Variants in RCSD1 observed in about 807,000 individuals in gnomAD.
RCSD1 encodes the protein capZ-interacting protein.
Under a neutral mutation model 42.5 loss-of-function variants are expected in RCSD1, and 26 were observed. That is an observed-to-expected ratio of 0.61 (90% CI 0.45 to 0.85). The LOEUF (loss-of-function observed/expected upper bound fraction) is 0.85. RCSD1 is among the 40% of genes least tolerant of loss of function. RCSD1 has a pLI of 0.00. For synonymous variants in RCSD1, 220 were observed against 212.2 expected, an observed-to-expected ratio of 1.04 and a Z score of -0.32; for missense variants, 571 against 528.3, an observed-to-expected ratio of 1.08 and a Z score of -0.79.
chr1:167,639,711 C>T (rs1211225168), intron 1 of RCSD1, among the ~76,000 whole-genome samples: 2 of 152,192 alleles, frequency 1.3e-5, no homozygotes, highest in Non-Finnish European at 2.9e-5. Context: ...CCAGGCTGGT[C>T]TTGAACTCCT....
chr1:167,655,541 A>G (rs1484810150), intron 1 of RCSD1, among the ~76,000 whole-genome samples: 1 of 152,052 alleles, frequency 6.6e-6, no homozygotes, highest in African/African-American at 2.4e-5. Context: ...TGCGTGTGCC[A>G]TCCCAAACCC....
intron 1 of RCSD1, among the ~76,000 whole-genome samples, chr1:167,673,912 C>T (rs1044505457): frequency 3.3e-5 from 5 of 152,204 alleles, no homozygotes; most frequent in African/African-American, 9.7e-5. Context: ...CTCTGTGAAG[C>T]GTTCCCTGAT....
At position 167,689,494 on chromosome 1, in the gene RCSD1, A is replaced by G. The variant is rs868430290; in HGVS notation, c.199-555A>G. 4.9e-3 allele frequency among the ~76,000 whole-genome samples: 731 copies of G among 149,188 alleles called. 7 individuals are homozygous for G. Among genetic ancestry groups the G allele is most frequent in the African/African-American group, 0.017 (706 of 40,446 alleles). On this transcript the variant is annotated intron_variant, in intron 3 of 6. Coordinates refer to ENST00000367854, the MANE Select transcript of RCSD1 (RefSeq NM_052862.4). ...GGACTCTGTCTCAAAAAAAAAAAAAAAAAGAAAAGAAAAGAAAAAGAATAT... is the reference window on the plus strand; with the variant it reads ...GGACTCTGTCTCAAAAAAAAAAAAAGAAAGAAAAGAAAAGAAAAAGAATAT...
At chr1:167,631,024 A>G (rs187000733) in intron 1 of RCSD1, among the ~76,000 whole-genome samples, 2 of 152,224 alleles carry the variant, frequency 1.3e-5, no homozygotes, top group Admixed American at 1.3e-4. Flanking sequence ...TGGTCAGTCG[A>G]ATGACATTAT....
chr1:167,697,298 G>T lies in RCSD1; in HGVS notation c.674G>T (p.Gly225Val). The change falls in exon 6 of 7, where the codon GGA becomes GTA. Residue 225 changes from glycine (G) to valine (V), a missense_variant. Physicochemically the swap from Gly to Val is moderately radical, Grantham distance 109. Coordinates refer to ENST00000367854, the MANE Select transcript of RCSD1 (RefSeq NM_052862.4). ...CCTTTGTCCAGTGAGGGAGCAGCGG[G>T]AGAGGGAGTGAGAACCCTGGGACCT... is the stretch of plus-strand genomic sequence containing the variant. ...GSPLSSEGAA[G>V]EGVRTLGPAE... The T allele has an allele frequency of 1.2e-6, 2 of 1,614,152 alleles. No individual in the cohort carries two copies. The highest frequency in any genetic ancestry group is 1.1e-5 in the South Asian group (1 of 91,080).
chr1:167,665,486 G>C (rs1268452229), intron 1 of RCSD1, among the ~76,000 whole-genome samples: 1 of 152,220 alleles, frequency 6.6e-6, no homozygotes, highest in East Asian at 1.9e-4. Context: ...ATACAAGTAA[G>C]ATTGTTGGTA....
chr1:167,673,663 C>G (rs1203006587), intron 1 of RCSD1, among the ~76,000 whole-genome samples: 1 of 152,256 alleles, frequency 6.6e-6, no homozygotes, highest in Non-Finnish European at 1.5e-5. Flanking sequence ...TGAATTATAA[C>G]TTGCATATGC....
At chr1:167,632,375 C>A (rs1393106936) in intron 1 of RCSD1, among the ~76,000 whole-genome samples, 1 of 152,144 alleles carries the variant, frequency 6.6e-6, no homozygotes, top group African/African-American at 2.4e-5. Context: ...GCTGGAGGGC[C>A]AAATGCAAGT....
At chr1:167,662,977 G>A (rs568654721) in intron 1 of RCSD1, among the ~76,000 whole-genome samples, 1 of 152,290 alleles carries the variant, frequency 6.6e-6, no homozygotes, top group Admixed American at 6.5e-5. Context: ...AGCAGCGTGG[G>A]TCTTAGGAAG....
In RCSD1 at chr1:167,635,416, G is replaced by A. The variant is rs141509923; in HGVS notation, c.6+4987G>A. ...GACTGCGACGACAGGGGGAATTTGG[G>A]GAGTGAGACTCTAAGGGCCCAGCCC... On this transcript the variant is annotated intron_variant, in intron 1 of 6. Transcript: ENST00000367854. Among the ~76,000 whole-genome samples the A allele has an allele frequency of 9.5e-4, 144 of 152,306 alleles. 2 individuals are homozygous for A. Among genetic ancestry groups the A allele is most frequent in the African/African-American group, 3.3e-3 (139 of 41,556 alleles).
intron 6 of RCSD1, among the ~76,000 whole-genome samples, chr1:167,702,433 G>A (rs973483029): frequency 3.9e-5 from 6 of 152,146 alleles, no homozygotes; most frequent in Non-Finnish European, 7.4e-5. Flanking sequence ...AGGAAAAGTC[G>A]CCCTGAAAAG....
intron 1 of RCSD1, among the ~76,000 whole-genome samples, chr1:167,671,674 C>G (rs1027457436): frequency 6.6e-6 from 1 of 152,192 alleles, no homozygotes; most frequent in Non-Finnish European, 1.5e-5. Flanking sequence ...CTCCTGAAGA[C>G]CACTCCTGAA....
In RCSD1 at chr1:167,667,572, A is replaced by G. The variant is rs183984304; in HGVS notation, c.7-16328A>G. Among the ~76,000 whole-genome samples the G allele has an allele frequency of 3.9e-5, 6 of 152,330 alleles. No homozygotes were observed. The East Asian group carries it at 1.2e-3, about 29-fold the overall frequency. ...TTAAAACTGGAGAAGACAGATACCC[A>G]TGGATAGAGATATGGAATTATAATA... On this transcript the variant is annotated intron_variant, in intron 1 of 6. Transcript: ENST00000367854.
chr1:167,648,596 G>C lies in RCSD1; in HGVS notation c.6+18167G>C, dbSNP rs908119985. Among the ~76,000 whole-genome samples the C allele has an allele frequency of 2.0e-5, 3 of 152,228 alleles. No individual in the cohort carries two copies. The East Asian group carries it at 5.8e-4, about 29-fold the overall frequency. On this transcript the variant is annotated intron_variant, in intron 1 of 6. Coordinates refer to ENST00000367854, the MANE Select transcript of RCSD1 (RefSeq NM_052862.4). Reference sequence around the variant, plus strand: ...CACCAGCAGGGAGTGGATAGGAGGGGAGCACAGGAAAGGGGTGTGGACCCC... The same window carrying C: ...CACCAGCAGGGAGTGGATAGGAGGGCAGCACAGGAAAGGGGTGTGGACCCC...
rs1657663581 is a variant in RCSD1 at position 167,630,348 on chromosome 1, G to T, written c.-76G>T. The T allele has an allele frequency of 1.5e-6, 2 of 1,370,582 alleles. No homozygotes were observed. Among genetic ancestry groups the T allele is most frequent in the African/African-American group, 1.5e-5 (1 of 67,542 alleles). The allele number at this position is 1,370,582 out of a possible 1,614,324, so 84.9% of individuals were successfully genotyped here. A position where few individuals can be genotyped will look rare whatever the true frequency, so the allele number is the denominator to read the frequency against. On this transcript the variant is annotated 5_prime_UTR_variant, in exon 1 of 7. Coordinates refer to ENST00000367854, the MANE Select transcript of RCSD1 (RefSeq NM_052862.4). ...CCCGAAACTGGCCACGGCCGGGAGC[G>T]GAGGGGACAGCGGGGATCGTGAGCT... is the stretch of plus-strand genomic sequence containing the variant.
rs180964126 is a variant in RCSD1, at chr1:167,638,988, A to T, written c.6+8559A>T. Among the ~76,000 whole-genome samples the T allele has an allele frequency of 2.2e-3, 333 of 152,244 alleles. 8 individuals carry two copies. Among genetic ancestry groups the T allele is most frequent in the Admixed American group, 0.019 (287 of 15,292 alleles). ...ATCCCAGCTCTTTGGGAGGGCAAGG[A>T]GGGCGGATCACGAGGTCAGGAGATT... On this transcript the variant is annotated intron_variant, in intron 1 of 6. Transcript: ENST00000367854.
rs574629126 is a variant in RCSD1 at position 167,691,080 on chromosome 1, G to A, written c.270+960G>A. On this transcript the variant is annotated intron_variant, in intron 4 of 6. Transcript: ENST00000367854. ...GCCCGGCTCCTGCTGCTCAAGACCAGGGTTTCTCAGCCTTGGCATTACTCG... is the reference window on the plus strand; with the variant it reads ...GCCCGGCTCCTGCTGCTCAAGACCAAGGTTTCTCAGCCTTGGCATTACTCG... Among the ~76,000 whole-genome samples, 3 of 152,324 alleles carry A rather than the reference G, an allele frequency of 2.0e-5. No individual in the cohort carries two copies. The South Asian group carries it at 6.2e-4, about 32-fold the overall frequency.
intron 1 of RCSD1, among the ~76,000 whole-genome samples, chr1:167,676,914 A>G (rs1658964887): frequency 1.3e-5 from 2 of 152,218 alleles, no homozygotes; most frequent in African/African-American, 4.8e-5. Flanking sequence ...GGAGGTTCCA[A>G]ACAGGGACAC....
chr1:167,652,423 C>T (rs1658334206), intron 1 of RCSD1, among the ~76,000 whole-genome samples: 1 of 152,274 alleles, frequency 6.6e-6, no homozygotes, highest in East Asian at 1.9e-4. Flanking sequence ...AAAGATGAAA[C>T]CTCACCGGGC....
Sources: allele counts gnomAD v4.1 joint callset (sites outside exome capture counted in the v4.1 genomes callset), GRCh38; gene constraint gnomAD v4.1.1; transcripts MANE v1.5; gene names NCBI Gene and HGNC (gene_info 2026-07-23, HGNC 2026-07-21).